TUT7: variants seen among roughly 807,000 people sequenced by gnomAD.
TUT7 encodes the protein terminal uridylyltransferase 7.
TUT7 carries 33 observed loss-of-function variants against 165.9 expected under a neutral mutation model. The observed-to-expected ratio is 0.20, with a 90% CI of 0.15 to 0.27. TUT7 has a LOEUF of 0.27. Ranked by LOEUF, TUT7 falls within the 10% of genes least tolerant of loss-of-function variation. The pLI, the probability that TUT7 is intolerant of heterozygous loss-of-function variation, is 1.00. For synonymous variants in TUT7, 552 were observed against 608.1 expected, an observed-to-expected ratio of 0.91 and a Z score of 1.36; for missense variants, 1,338 against 1,762.3, an observed-to-expected ratio of 0.76 and a Z score of 4.31.
intron 26 of TUT7, among the ~76,000 whole-genome samples, chr9:86,291,423 T>C (rs1472345681): frequency 2.0e-5 from 3 of 151,830 alleles, no homozygotes; most frequent in African/African-American, 7.3e-5. Flanking sequence ...ATACAAAAAT[T>C]AGCCGGGTGT....
At chr9:86,346,185 T>C (rs1831743476) in intron 3 of TUT7, 114 bp downstream of exon 3, 6 of 991,252 alleles carry the variant, frequency 6.1e-6, no homozygotes, top group Non-Finnish European at 4.5e-6. Flanking sequence ...AGTGCTTAAA[T>C]ACTGATAACC....
At chr9:86,353,555 T>C (rs1832483324) in intron 1 of TUT7, among the ~76,000 whole-genome samples, 1 of 152,216 alleles carries the variant, frequency 6.6e-6, no homozygotes. Flanking sequence ...CTTTTCCCTC[T>C]GTAACAAGGC....
chr9:86,290,167 A>T (rs971415333), intron 26 of TUT7, among the ~76,000 whole-genome samples: 1 of 152,204 alleles, frequency 6.6e-6, no homozygotes, highest in African/African-American at 2.4e-5. Context: ...GAAAATGCTT[A>T]ATAAATGTTA....
Position 86,319,649 on chromosome 9 carries a change from A to G in TUT7, c.3050T>C (p.Ile1017Thr), listed in dbSNP as rs1360297455. ...AATATGTTCACGAGCCTGATCTTCT[A>G]TAATTGTTGGAGAAAAATCCTCTGT... ...QCYKDFSPTI[I>T]EDQAREHIRQ... The change falls in exon 15 of 27, where the codon ATA becomes ACA. Residue 1017 changes from isoleucine (I) to threonine (T), a missense_variant. Physicochemically the swap from Ile to Thr is moderately conservative, Grantham distance 89. Transcript: ENST00000375963. The G allele has an allele frequency of 5.0e-6, 8 of 1,608,094 alleles. No homozygotes were observed. The highest frequency in any genetic ancestry group is 1.3e-5 in the African/African-American group (1 of 74,666).
intron 4 of TUT7, 111 bp from the exon 5 acceptor site, chr9:86,345,265 C>A: frequency 1.0e-6 from 1 of 1,000,190 alleles, no homozygotes; most frequent in Non-Finnish European, 1.4e-6. Flanking sequence ...CCTCCCTTCT[C>A]ATTTTAGCTG....
At chr9:86,290,216 A>C (rs1213148149) in intron 26 of TUT7, among the ~76,000 whole-genome samples, 2 of 152,232 alleles carry the variant, frequency 1.3e-5, no homozygotes, top group Admixed American at 1.3e-4. Context: ...GGAAAACTTT[A>C]TCCCCAAAAT....
intron 17 of TUT7, among the ~76,000 whole-genome samples, chr9:86,313,173 A>C (rs1035159597): frequency 2.6e-5 from 4 of 150,988 alleles, no homozygotes; most frequent in African/African-American, 9.7e-5. Context: ...AATAAAAAGA[A>C]TTATCCTTAG....
chr9:86,333,056 T>C (rs1367931463), intron 10 of TUT7, among the ~76,000 whole-genome samples: 1 of 152,216 alleles, frequency 6.6e-6, no homozygotes, highest in East Asian at 1.9e-4. Flanking sequence ...TGAGTAATTC[T>C]GGATTGCATT....
chr9:86,339,594 T>C (rs181313659), intron 8 of TUT7, among the ~76,000 whole-genome samples: 163 of 152,242 alleles, frequency 1.1e-3, no homozygotes, highest in East Asian at 4.6e-3. Flanking sequence ...GTTGGAGGAA[T>C]GTACCTAATG....
chr9:86,297,106 T>C (rs1353401403), intron 26 of TUT7, among the ~76,000 whole-genome samples: 3 of 152,218 alleles, frequency 2.0e-5, no homozygotes, highest in Non-Finnish European at 4.4e-5. Context: ...AGAAGATAAT[T>C]ACAGAAATCG....
Position 86,294,026 on chromosome 9 carries a change from G to A in TUT7, c.4421-5282C>T, listed in dbSNP as rs535686547. ...GTCTCAAAGTACTAGGATTATAGGC[G>A]TGAGCCATGGCGCCCGGCCGCAAGG... On this transcript the variant is annotated intron_variant, in intron 26 of 26. Coordinates refer to ENST00000375963, the MANE Select transcript of TUT7 (RefSeq NM_024617.4). 5.9e-5 allele frequency among the ~76,000 whole-genome samples: 9 copies of A among 152,292 alleles called. No homozygotes were observed. In the East Asian group the frequency reaches 7.7e-4, roughly 13 times the overall value.
intron 5 of TUT7, among the ~76,000 whole-genome samples, chr9:86,344,150 T>C (rs1226007805): frequency 6.6e-6 from 1 of 152,200 alleles, no homozygotes; most frequent in Non-Finnish European, 1.5e-5. Flanking sequence ...GTGACAAATA[T>C]AAATAATGAT....
rs1176096389 is a variant in TUT7, at chr9:86,325,376, G to A, written c.1747C>T (p.Arg583Trp). The A allele has an allele frequency of 6.2e-7, 1 of 1,613,812 alleles. No homozygotes were observed. The highest frequency in any genetic ancestry group is 1.3e-5 in the African/African-American group (1 of 74,874). Residue 583 changes from arginine (R) to tryptophan (W), a missense_variant, in exon 12 of 27, where the codon CGG (arginine) becomes TGG (tryptophan). By Grantham distance (101) the Arg-to-Trp change is moderately radical. Around this residue, in one of 7 missense-constraint regions of TUT7, gnomAD observed 28 missense variants for 69.4 expected, o/e 0.40. Coordinates refer to ENST00000375963, the MANE Select transcript of TUT7 (RefSeq NM_024617.4). The stretch of plus-strand genomic sequence containing the variant: ...TTTTTGGGCCAATCCTTCAATTCCC[G>A]AGATACCAATTCTTTGACACGAATA... ...ISIRVKELVS[R>W]ELKDWPKKRI... is the part of the protein sequence containing the mutation.
At chr9:86,317,178 A>G in intron 17 of TUT7, 41 bp downstream of exon 17, 2 of 1,574,036 alleles carry the variant, frequency 1.3e-6, no homozygotes, top group Non-Finnish European at 1.7e-6. Flanking sequence ...AACACTAATT[A>G]AAAAGTCAGA....
rs1828030604 is a variant in TUT7 at position 86,311,365 on chromosome 9, CA to C, written c.3275-557del. On this transcript the variant is annotated intron_variant, in intron 17 of 26. Coordinates refer to ENST00000375963, the MANE Select transcript of TUT7 (RefSeq NM_024617.4). The surrounding 1 kb of genome is among the most constrained non-coding windows in gnomAD (Gnocchi z 4.4). ...ACCAGCAAAAATAGTGGCAGTTGAG[CA>C]AATTTACCAGGCAAGGCAAACTGTA... 6.6e-6 allele frequency among the ~76,000 whole-genome samples: 1 copy of C among 152,104 alleles called. No homozygotes were observed. Among genetic ancestry groups the C allele is most frequent in the African/African-American group, 2.4e-5 (1 of 41,402 alleles).
At chr9:86,314,426 T>C (rs779108929) in intron 17 of TUT7, among the ~76,000 whole-genome samples, 39 of 152,356 alleles carry the variant, frequency 2.6e-4, no homozygotes, top group African/African-American at 8.7e-4. Context: ...CAATTCTGAC[T>C]GGCAACCCCA....
At chr9:86,290,878 G>A (rs2131250326) in intron 26 of TUT7, among the ~76,000 whole-genome samples, 1 of 151,526 alleles carries the variant, frequency 6.6e-6, no homozygotes, top group South Asian at 2.1e-4. Context: ...AAAAAAAAGA[G>A]ACTACCTCAT....
intron 26 of TUT7, among the ~76,000 whole-genome samples, chr9:86,299,899 T>C (rs1376589420): frequency 5.9e-5 from 9 of 152,338 alleles, no homozygotes; most frequent in Admixed American, 5.9e-4. Context: ...TTAAAAGTTA[T>C]CTATACTATT....
Position 86,317,199 on chromosome 9 carries a change from GAAA to G in TUT7, c.3274+17_3274+19del. 6.2e-7 allele frequency: 1 copy of G among 1,607,644 alleles called. No individual in the cohort carries two copies. Among genetic ancestry groups the G allele is most frequent in the Non-Finnish European group, 8.5e-7 (1 of 1,175,066 alleles). On this transcript the variant is annotated intron_variant, in intron 17 of 26. Transcript: ENST00000375963. Reference sequence around the variant, plus strand: ...AATTAAAAAGTCAGAAATATTTTTAGAAAAAGTTTACAGAGGTACCTGAATGTT... The same window carrying G: ...AATTAAAAAGTCAGAAATATTTTTAGAAGTTTACAGAGGTACCTGAATGTT...
Sources: allele counts gnomAD v4.1 joint callset (sites outside exome capture counted in the v4.1 genomes callset), GRCh38; gene constraint gnomAD v4.1.1; regional missense constraint gnomAD v4.1.1; non-coding constraint Gnocchi (gnomAD v3.1); transcripts MANE v1.5; gene names NCBI Gene and HGNC (gene_info 2026-07-23, HGNC 2026-07-21).